The following SUCLG2 variants were observed in gnomAD, a reference collection of about 807,000 sequenced individuals.
The protein encoded by SUCLG2 is succinate--CoA ligase [GDP-forming] subunit beta, mitochondrial.
A neutral mutation model predicts 47.9 loss-of-function variants in SUCLG2; 42 were observed. The ratio of observed to expected loss-of-function variants is 0.88; its 90% CI spans 0.69 to 1.14. The LOEUF (loss-of-function observed/expected upper bound fraction) is 1.14, where lower values mean the gene tolerates loss of function less well. Among genes scored for constraint, SUCLG2 ranks in the 50% most tolerant of loss-of-function variants. The pLI, the probability that SUCLG2 is intolerant of heterozygous loss-of-function variation, is 0.00. For missense variants in SUCLG2, 571 were observed against 525.9 expected, an observed-to-expected ratio of 1.09 and a Z score of -0.84; for synonymous variants, 195 against 197.3, an observed-to-expected ratio of 0.99 and a Z score of 0.10.
chr3:67,413,943 A>T (rs1487514179), intron 9 of SUCLG2, among the ~76,000 whole-genome samples: 2 of 152,232 alleles, frequency 1.3e-5, no homozygotes, highest in Admixed American at 6.5e-5. Flanking sequence ...ATTTTCCAAT[A>T]TGTTAAATCC....
intron 10 of SUCLG2, among the ~76,000 whole-genome samples, chr3:67,395,440 T>C (rs935458806): frequency 9.9e-5 from 15 of 152,276 alleles, no homozygotes; most frequent in African/African-American, 3.1e-4. Context: ...CATTACATAA[T>C]GGTAAAGGGA....
chr3:67,496,369 C>T (rs1384922245), intron 8 of SUCLG2, among the ~76,000 whole-genome samples: 1 of 152,110 alleles, frequency 6.6e-6, no homozygotes, highest in African/African-American at 2.4e-5. Context: ...CTTTAAGAGA[C>T]AGGAGTAAAG....
intron 9 of SUCLG2, among the ~76,000 whole-genome samples, chr3:67,437,664 G>A (rs772452663): frequency 5.6e-4 from 85 of 151,990 alleles, no homozygotes; most frequent in Non-Finnish European, 8.8e-4. Flanking sequence ...AAAAGAAGAG[G>A]CTTTTATGAT....
At chr3:67,643,497 T>C (rs1041564937) in intron 1 of SUCLG2, among the ~76,000 whole-genome samples, 1 of 152,254 alleles carries the variant, frequency 6.6e-6, no homozygotes, top group African/African-American at 2.4e-5. Context: ...AAACCATTTC[T>C]GTCCTCCAAG....
intron 2 of SUCLG2, among the ~76,000 whole-genome samples, chr3:67,573,663 T>C (rs1052605019): frequency 6.6e-6 from 1 of 152,192 alleles, no homozygotes; most frequent in Admixed American, 6.5e-5. Context: ...GTTCAGGATC[T>C]TTCCAGCAGA....
chr3:67,623,916 C>G (rs537337207), intron 1 of SUCLG2, among the ~76,000 whole-genome samples: 1 of 152,324 alleles, frequency 6.6e-6, no homozygotes, highest in South Asian at 2.1e-4. Flanking sequence ...AGGGGTCAAA[C>G]ATGTCATCTC....
At chr3:67,422,758 A>T (rs1703198646) in intron 9 of SUCLG2, among the ~76,000 whole-genome samples, 1 of 152,138 alleles carries the variant, frequency 6.6e-6, no homozygotes, top group African/African-American at 2.4e-5. Flanking sequence ...TAGGGAGGTA[A>T]CTGTGGACTT....
At chr3:67,522,386 C>T (rs1176021335) in intron 4 of SUCLG2, among the ~76,000 whole-genome samples, 1 of 151,942 alleles carries the variant, frequency 6.6e-6, no homozygotes, top group Non-Finnish European at 1.5e-5. Flanking sequence ...TCCTAAAATG[C>T]TACTTTAGTG....
chr3:67,438,758 C>CA (rs1179067377), intron 9 of SUCLG2, among the ~76,000 whole-genome samples: 1 of 152,038 alleles, frequency 6.6e-6, no homozygotes. Context: ...GCCTATCAAC[C>CA]AAAAAACATC....
intron 6 of SUCLG2, among the ~76,000 whole-genome samples, chr3:67,509,942 C>T (rs1249138696): frequency 6.6e-6 from 1 of 152,148 alleles, no homozygotes; most frequent in Non-Finnish European, 1.5e-5. Flanking sequence ...CAGCCAATGG[C>T]AAGCAGTGGT....
intron 1 of SUCLG2, among the ~76,000 whole-genome samples, chr3:67,635,290 T>C (rs1012665320): frequency 6.6e-6 from 1 of 152,180 alleles, no homozygotes; most frequent in Non-Finnish European, 1.5e-5. Context: ...TGGTTATCAG[T>C]TTTTCAGACC....
rs528278891 is a variant in SUCLG2 at position 67,442,276 on chromosome 3, C to T, written c.1063-41425G>A. Among the ~76,000 whole-genome samples the T allele has an allele frequency of 3.9e-4, 60 of 152,286 alleles. No homozygotes were observed. In the South Asian group the frequency reaches 0.012, roughly 29 times the overall value. ...CCGCCCGCCTCGGCCTCCCAAAGTG[C>T]TGGGATTACAGGCGTGAGCCACCGC... is the stretch of plus-strand genomic sequence containing the variant. On this transcript the variant is annotated intron_variant, in intron 9 of 10. Coordinates refer to ENST00000307227, the MANE Select transcript of SUCLG2 (RefSeq NM_003848.4).
At chr3:67,419,238 T>C (rs1014023816) in intron 9 of SUCLG2, among the ~76,000 whole-genome samples, 1 of 152,204 alleles carries the variant, frequency 6.6e-6, no homozygotes, top group East Asian at 1.9e-4. Flanking sequence ...AAATCATGTC[T>C]GTAATTTTCT....
chr3:67,613,594 C>T (rs757890842), intron 1 of SUCLG2, among the ~76,000 whole-genome samples: 3 of 152,140 alleles, frequency 2.0e-5, no homozygotes, highest in Non-Finnish European at 4.4e-5. Context: ...TAAGGATGGA[C>T]ATATACCAAG....
Position 67,375,320 on chromosome 3 carries a change from A to C in SUCLG2, c.*424T>G. ...GTAATCTTATGCCTTTTTAGTAATT[A>C]ATATATTAAATATAATCTTGTCTGA... On this transcript the variant is annotated 3_prime_UTR_variant, in exon 11 of 11. Coordinates refer to ENST00000307227, the MANE Select transcript of SUCLG2 (RefSeq NM_003848.4). The C allele has an allele frequency of 1.0e-6, 1 of 976,154 alleles. No individual in the cohort carries two copies. Among genetic ancestry groups the C allele is most frequent in the Non-Finnish European group, 1.2e-6 (1 of 821,340 alleles). The allele number at this position is 976,154 out of a possible 1,614,324, so 60.5% of individuals were successfully genotyped here.
intron 2 of SUCLG2, among the ~76,000 whole-genome samples, chr3:67,563,892 C>T (rs538168011): frequency 1.3e-4 from 19 of 146,622 alleles, no homozygotes; most frequent in Admixed American, 3.5e-4. Context: ...ACCCGAGAGG[C>T]GAGCTTGCAG....
downstream of SUCLG2, among the ~76,000 whole-genome samples, chr3:67,374,293 T>C (rs986598374): frequency 6.6e-6 from 1 of 152,192 alleles, no homozygotes; most frequent in Non-Finnish European, 1.5e-5. Context: ...ACTTTCATAC[T>C]TTTGTCCACA....
chr3:67,488,119 A>AT (rs1327426137), intron 9 of SUCLG2, among the ~76,000 whole-genome samples: 1 of 151,632 alleles, frequency 6.6e-6, no homozygotes, highest in African/African-American at 2.4e-5. Flanking sequence ...GTATATATAT[A>AT]TATTTTTTAA....
chr3:67,366,740 TAG>T (rs1701881178), intron 10 of SUCLG2, among the ~76,000 whole-genome samples: 2 of 152,144 alleles, frequency 1.3e-5, no homozygotes, highest in Admixed American at 6.6e-5. Flanking sequence ...AGCACTCTGT[TAG>T]AGTTTGGGAA....
Sources: gnomAD v4.1 joint callset for allele counts (sites outside exome capture counted in the v4.1 genomes callset) on GRCh38, gnomAD v4.1.1 for gene constraint, MANE v1.5 for transcripts, NCBI Gene and HGNC (gene_info 2026-07-23, HGNC 2026-07-21) for gene names.